CEP290: variants seen among roughly 807,000 people sequenced by gnomAD.
The protein encoded by CEP290 is centrosomal protein 290, also known as centrosomal protein of 290 kDa.
In CEP290, 317 loss-of-function variants were observed where a neutral mutation model predicts 344.9. That is an observed-to-expected ratio of 0.92 (90% CI 0.84 to 1.01). The LOEUF (loss-of-function observed/expected upper bound fraction) is 1.01. CEP290 is among the 50% of genes least tolerant of loss of function. The pLI is 0.00. For synonymous variants in CEP290, 932 were observed against 895.8 expected (o/e 1.04, Z -0.72); for missense variants, 2,754 against 2,761.4 (o/e 1.00, Z 0.06).
At chr12:88,130,101 C>T (rs1056307904) in intron 9 of CEP290, among the ~76,000 whole-genome samples, 167 bp downstream of exon 9, 10 of 151,966 alleles carry the variant, frequency 6.6e-5, no homozygotes, top group African/African-American at 2.4e-4. Flanking sequence ...ATAAAAATGG[C>T]TAAAAAGTTG....
chr12:88,138,035 C>G (rs1191599987), intron 5 of CEP290, among the ~76,000 whole-genome samples: 1 of 152,126 alleles, frequency 6.6e-6, no homozygotes, highest in Non-Finnish European at 1.5e-5. Context: ...AACTTTTGTT[C>G]TAGTCTATTT....
chr12:88,129,662 A>G, intron 10 of CEP290, 32 bp downstream of exon 10: 1 of 1,230,652 alleles, frequency 8.1e-7, no homozygotes, highest in Non-Finnish European at 1.1e-6. Context: ...ATGAAGTCTG[A>G]ATAAATAAGT....
At chr12:88,056,713 C>G (rs1246347389) in intron 49 of CEP290, among the ~76,000 whole-genome samples, 1 of 152,178 alleles carries the variant, frequency 6.6e-6, no homozygotes, top group Admixed American at 6.5e-5. Context: ...AAAGGCCTGA[C>G]ATAGAATACG....
In CEP290 at chr12:88,089,688, T is replaced by C. The variant is rs911567024; in HGVS notation, c.3574-201A>G. On this transcript the variant is annotated intron_variant, in intron 30 of 53. Transcript: ENST00000552810. ...AACCTAGAATCAAACAAACTTAAAATCCAAATGTAACTGAATAACAGTGGG... is the reference window on the plus strand; with the variant it reads ...AACCTAGAATCAAACAAACTTAAAACCCAAATGTAACTGAATAACAGTGGG... Among the ~76,000 whole-genome samples, 6 of 150,476 alleles carry C rather than the reference T, an allele frequency of 4.0e-5. No individual in the cohort carries two copies. In the East Asian group the frequency reaches 7.8e-4, roughly 20 times the overall value.
chr12:88,059,557 G>A (rs1332648080), intron 48 of CEP290, among the ~76,000 whole-genome samples: 17 of 151,998 alleles, frequency 1.1e-4, no homozygotes, highest in Non-Finnish European at 2.4e-4. Flanking sequence ...ACAGGCGCCC[G>A]CCACCACGCC....
intron 18 of CEP290, chr12:88,115,736 C>G (rs528665484): frequency 1.1e-6 from 1 of 932,020 alleles, no homozygotes; most frequent in East Asian, 1.2e-4. Context: ...AAAGAACAAC[C>G]ACAGAAATAT....
intron 22 of CEP290, among the ~76,000 whole-genome samples, chr12:88,110,641 G>A (rs1592603897): frequency 3.3e-5 from 5 of 152,068 alleles, no homozygotes; most frequent in Admixed American, 3.3e-4. Context: ...CTCAGGAGGT[G>A]GAAGTTGCAG....
intron 27 of CEP290, among the ~76,000 whole-genome samples, chr12:88,094,757 A>T (rs918866669): frequency 1.3e-5 from 2 of 152,132 alleles, no homozygotes; most frequent in African/African-American, 4.8e-5. Flanking sequence ...GCTTTTCAGC[A>T]ACTTAAAACT....
At chr12:88,072,725 C>T (rs1485481375) in intron 41 of CEP290, among the ~76,000 whole-genome samples, 1 of 152,052 alleles carries the variant, frequency 6.6e-6, no homozygotes, top group African/African-American at 2.4e-5. Flanking sequence ...TTATTTAGTG[C>T]TAACCATGTG....
At chr12:88,100,431 T>C (rs990777226) in intron 26 of CEP290, among the ~76,000 whole-genome samples, 1 of 152,178 alleles carries the variant, frequency 6.6e-6, no homozygotes, top group African/African-American at 2.4e-5. Flanking sequence ...ACACATGAAA[T>C]CTGATTTTCG....
At chr12:88,094,772 T>G (rs892927428) in intron 27 of CEP290, among the ~76,000 whole-genome samples, 2 of 152,092 alleles carry the variant, frequency 1.3e-5, no homozygotes, top group Non-Finnish European at 2.9e-5. Context: ...AAAACTGATG[T>G]GTTTAGGGTA....
chr12:88,105,833 T>G (rs1344187532), intron 25 of CEP290, among the ~76,000 whole-genome samples: 1 of 151,946 alleles, frequency 6.6e-6, no homozygotes, highest in African/African-American at 2.4e-5. Flanking sequence ...GCCCCCAACT[T>G]CCTGGGCTCA....
At chr12:88,091,753 ATGG>A (rs2037063530) in intron 29 of CEP290, among the ~76,000 whole-genome samples, 1 of 150,702 alleles carries the variant, frequency 6.6e-6, no homozygotes, top group African/African-American at 2.5e-5. Flanking sequence ...CTCCAAAGGA[ATGG>A]TTATATTTTT....
chr12:88,134,873 C>G (rs144961356), intron 6 of CEP290, among the ~76,000 whole-genome samples: 49 of 152,268 alleles, frequency 3.2e-4, no homozygotes, highest in Admixed American at 6.5e-4. Flanking sequence ...TTAGCAAATG[C>G]TATATCTTCT....
chr12:88,090,614 AATG>A lies in CEP290; in HGVS notation c.3573+111_3573+113del, dbSNP rs1269648935. ...CACTGCACTCCACCCTGGGCAACAG[AATG>A]AGACCCTATCTCGAAACAAACAAAA... is the stretch of plus-strand genomic sequence containing the variant. On this transcript the variant is annotated intron_variant, in intron 30 of 53. Coordinates refer to ENST00000552810, the MANE Select transcript of CEP290 (RefSeq NM_025114.4). 7.2e-6 allele frequency: 5 copies of A among 694,896 alleles called. No individual in the cohort carries two copies. In the East Asian group the frequency reaches 1.5e-4, roughly 20 times the overall value. 43.0% of individuals were successfully genotyped at this position (694,896 alleles called of 1,614,324 possible). A position where few individuals can be genotyped will look rare whatever the true frequency, so the allele number is the denominator to read the frequency against.
At chr12:88,076,751 C>A (rs760737393) in intron 41 of CEP290, among the ~76,000 whole-genome samples, 42 of 151,992 alleles carry the variant, frequency 2.8e-4, no homozygotes, top group Non-Finnish European at 5.2e-4. Context: ...TGAAGATATT[C>A]CAAATAACTT....
chr12:88,111,370 C>A lies in CEP290; in HGVS notation c.2218-19G>T. ...GGTCTATCTGGAAAAAAAAATCCAG[C>A]AATGAGAATCACAACTCTTACACCC... On this transcript the variant is annotated intron_variant, in intron 21 of 53. Transcript: ENST00000552810. 1 of 1,554,990 alleles carries A rather than the reference C, an allele frequency of 6.4e-7. No homozygotes were observed. The highest frequency in any genetic ancestry group is 2.4e-5 in the East Asian group (1 of 42,280).
At chr12:88,081,313 G>T (rs993234485) in intron 37 of CEP290, among the ~76,000 whole-genome samples, 2 of 152,116 alleles carry the variant, frequency 1.3e-5, no homozygotes, top group Admixed American at 1.3e-4. Flanking sequence ...AATTTTCACA[G>T]AAATCACATG....
intron 7 of CEP290, 91 bp from the exon 8 acceptor site, chr12:88,130,656 A>C: frequency 7.9e-7 from 1 of 1,258,076 alleles, no homozygotes; most frequent in Non-Finnish European, 1.1e-6. Context: ...AAACAAAAAA[A>C]TTTTGGGAAA....
Sources: allele counts gnomAD v4.1 joint callset (sites outside exome capture counted in the v4.1 genomes callset), GRCh38; gene constraint gnomAD v4.1.1; transcripts MANE v1.5; gene names NCBI Gene and HGNC (gene_info 2026-07-23, HGNC 2026-07-21).